DPP10: variants seen among roughly 807,000 people sequenced by gnomAD.
DPP10 encodes inactive dipeptidyl peptidase 10.
In DPP10, 33 loss-of-function variants were observed where a neutral mutation model predicts 120.9. The observed-to-expected ratio is 0.27, with a 90% CI of 0.21 to 0.37. The LOEUF is 0.37. DPP10 is among the 10% of genes least tolerant of loss of function. The probability of loss-of-function intolerance (pLI) is 1.00; values close to 1 mark genes in which losing one functional copy is unlikely to be tolerated. For missense variants in DPP10, 816 were observed against 942.8 expected (o/e 0.87, Z 1.76); for synonymous variants, 337 against 326.1 (o/e 1.03, Z -0.36).
At chr2:115,313,447 A>C (rs1231069803) in intron 2 of DPP10, among the ~76,000 whole-genome samples, 2 of 152,214 alleles carry the variant, frequency 1.3e-5, no homozygotes, top group African/African-American at 4.8e-5. Flanking sequence ...TTAGTGACAA[A>C]TATAGCAACA....
chr2:114,698,632 C>T (rs907928431), intron 1 of DPP10, among the ~76,000 whole-genome samples: 2 of 152,046 alleles, frequency 1.3e-5, no homozygotes, highest in African/African-American at 4.8e-5. Context: ...TTGATTAAAT[C>T]TAAGTCAGGA....
chr2:114,456,110 C>T (rs193162790), intron 1 of DPP10, among the ~76,000 whole-genome samples: 38 of 152,272 alleles, frequency 2.5e-4, no homozygotes, highest in Admixed American at 5.9e-4. Context: ...GTCATCACCC[C>T]GCTCAAGTCC....
chr2:115,682,288 G>T (rs773266507), intron 5 of DPP10, among the ~76,000 whole-genome samples: 3 of 151,878 alleles, frequency 2.0e-5, no homozygotes, highest in Non-Finnish European at 2.9e-5. Context: ...TGTGGAAGTT[G>T]CTTATTTGTG....
intron 5 of DPP10, among the ~76,000 whole-genome samples, chr2:115,582,586 C>G (rs1387728915): frequency 1.3e-5 from 2 of 152,178 alleles, no homozygotes; most frequent in Admixed American, 1.3e-4. Context: ...TGCCTAGATA[C>G]CTACTCTAAC....
At chr2:114,786,127 C>T (rs1682746192) in intron 1 of DPP10, among the ~76,000 whole-genome samples, 1 of 152,158 alleles carries the variant, frequency 6.6e-6, no homozygotes, top group Non-Finnish European at 1.5e-5. Flanking sequence ...TCTAGCAAAA[C>T]TTAGATTCTC....
intron 1 of DPP10, among the ~76,000 whole-genome samples, chr2:114,648,295 A>T (rs951801193): frequency 2.6e-5 from 4 of 152,206 alleles, no homozygotes; most frequent in African/African-American, 7.2e-5. Flanking sequence ...TTCTGAGATC[A>T]TCTATGAAAC....
intron 7 of DPP10, among the ~76,000 whole-genome samples, chr2:115,690,546 G>A (rs1228101690): frequency 6.6e-6 from 1 of 152,076 alleles, no homozygotes; most frequent in Admixed American, 6.6e-5. Flanking sequence ...CTGAGTACTT[G>A]GGATTACAGG....
chr2:115,579,641 C>T (rs1005265574), intron 5 of DPP10: 13 of 152,080 alleles, frequency 8.5e-5, no homozygotes, highest in Non-Finnish European at 1.8e-4. Flanking sequence ...GAAACAATTT[C>T]AAATTGACAG....
intron 2 of DPP10, among the ~76,000 whole-genome samples, chr2:115,311,731 TA>T (rs1046459436): frequency 1.3e-5 from 2 of 152,166 alleles, no homozygotes; most frequent in Non-Finnish European, 2.9e-5. Context: ...TTTCATATGA[TA>T]TTAATCATAT....
At chr2:115,162,820 C>A (rs1185262627) in intron 1 of DPP10, among the ~76,000 whole-genome samples, 1 of 152,108 alleles carries the variant, frequency 6.6e-6, no homozygotes, top group East Asian at 1.9e-4. Flanking sequence ...TCGTGGATCC[C>A]CATCTCGTCT....
intron 19 of DPP10, among the ~76,000 whole-genome samples, chr2:115,813,260 A>G (rs1020309118): frequency 2.0e-5 from 3 of 152,112 alleles, no homozygotes; most frequent in Non-Finnish European, 4.4e-5. Context: ...TAAACAATGG[A>G]AATTAATTTT....
chr2:114,487,653 C>T (rs530363003), intron 1 of DPP10, among the ~76,000 whole-genome samples: 1 of 152,086 alleles, frequency 6.6e-6, no homozygotes, highest in African/African-American at 2.4e-5. Flanking sequence ...ATGAATTAGG[C>T]TCAATTATTT....
At position 115,782,382 on chromosome 2, in the gene DPP10, G is replaced by A. The variant is rs1682871374; in HGVS notation, c.1514G>A (p.Ser505Asn). The change falls in exon 17 of 26, where the codon AGT (serine) becomes AAT (asparagine). Residue 505 changes from serine (S) to asparagine (N), a missense_variant. Coordinates refer to ENST00000410059, the MANE Select transcript of DPP10 (RefSeq NM_020868.6). The part of the protein sequence containing the change: ...GPRVPVVSLH[S>N]TDNPAKYFIL... ...AGGGTCCCAGTGGTCAGCCTACATA[G>A]TACGGACAACCCAGCAAGTGAGTAC... is the stretch of plus-strand genomic sequence containing the variant. The A allele has an allele frequency of 6.2e-7, 1 of 1,612,268 alleles. No homozygotes were observed. Among genetic ancestry groups the A allele is most frequent in the Non-Finnish European group, 8.5e-7 (1 of 1,178,708 alleles).
intron 21 of DPP10, among the ~76,000 whole-genome samples, chr2:115,816,423 C>A (rs1400204381): frequency 6.6e-6 from 1 of 152,056 alleles, no homozygotes; most frequent in African/African-American, 2.4e-5. Context: ...TAGCAAGTAT[C>A]GCAATCTTAG....
chr2:115,791,062 T>C lies in DPP10; in HGVS notation c.1532-19T>C. ...ATGCATAGGGGTTAGCTATTTACAC[T>C]ACCCTTTTTGGTTTACAGAATATTT... is the stretch of plus-strand genomic sequence containing the variant. On this transcript the variant is annotated intron_variant, in intron 17 of 25. Coordinates refer to ENST00000410059, the MANE Select transcript of DPP10 (RefSeq NM_020868.6). The C allele has an allele frequency of 6.3e-7, 1 of 1,586,978 alleles. No homozygotes were observed. The highest frequency in any genetic ancestry group is 8.6e-7 in the Non-Finnish European group (1 of 1,159,704).
At chr2:115,725,084 G>A (rs1034121448) in intron 7 of DPP10, among the ~76,000 whole-genome samples, 8 of 152,210 alleles carry the variant, frequency 5.3e-5, no homozygotes, top group African/African-American at 1.4e-4. Flanking sequence ...CATATCAGGC[G>A]ACTCACTGAA....
At chr2:115,628,569 G>C (rs956294382) in intron 5 of DPP10, among the ~76,000 whole-genome samples, 3 of 152,016 alleles carry the variant, frequency 2.0e-5, no homozygotes, top group African/African-American at 7.2e-5. Flanking sequence ...TGTTTTGGCT[G>C]CTTTCATCAT....
At chr2:114,809,735 T>G (rs762785068) in intron 1 of DPP10, among the ~76,000 whole-genome samples, 40 of 152,110 alleles carry the variant, frequency 2.6e-4, no homozygotes, top group Non-Finnish European at 3.2e-4. Flanking sequence ...ACTCTTTACC[T>G]GCATACGGCT....
intron 1 of DPP10, among the ~76,000 whole-genome samples, chr2:115,197,028 A>G (rs1204239217): frequency 2.6e-5 from 4 of 152,184 alleles, no homozygotes; most frequent in African/African-American, 9.6e-5. Context: ...GGACATTACT[A>G]GTGGGTAAAC....
Sources: gnomAD v4.1 joint callset for allele counts (sites outside exome capture counted in the v4.1 genomes callset) on GRCh38, gnomAD v4.1.1 for gene constraint, MANE v1.5 for transcripts, NCBI Gene and HGNC (gene_info 2026-07-23, HGNC 2026-07-21) for gene names.